Variants in TRAPPC9 observed in about 807,000 individuals in gnomAD.
TRAPPC9 encodes trafficking protein particle complex subunit 9.
In TRAPPC9, 83 loss-of-function variants were observed where a neutral mutation model predicts 124.0. The ratio of observed to expected loss-of-function variants is 0.67; its 90% CI spans 0.56 to 0.80. TRAPPC9 has a LOEUF of 0.80. TRAPPC9 is among the 30% of genes least tolerant of loss of function. The pLI is 0.00. For missense variants in TRAPPC9, 1,302 were observed against 1,508.3 expected (o/e 0.86, Z 2.27); for synonymous variants, 638 against 617.5 (o/e 1.03, Z -0.49).
chr8:139,996,609 A>G (rs775651879), intron 18 of TRAPPC9, among the ~76,000 whole-genome samples: 4 of 152,236 alleles, frequency 2.6e-5, no homozygotes, highest in Non-Finnish European at 5.9e-5. Context: ...GGAGACTAAG[A>G]AACAAAGAAG....
intron 11 of TRAPPC9, among the ~76,000 whole-genome samples, chr8:140,294,607 C>CT (rs796330094): frequency 0.034 from 5,007 of 146,976 alleles, 271 homozygotes; most frequent in African/African-American, 0.12. Context: ...ATTTATTCTT[C>CT]TTTTTTTTTT....
intron 20 of TRAPPC9, among the ~76,000 whole-genome samples, chr8:139,886,565 A>G (rs1050737367): frequency 6.6e-6 from 1 of 152,210 alleles, no homozygotes. Flanking sequence ...TGTGATTCTC[A>G]GATCTGTAAA....
At chr8:140,360,258 T>C in intron 8 of TRAPPC9, 65 bp from the exon 9 acceptor site, 1 of 1,604,366 alleles carries the variant, frequency 6.2e-7, no homozygotes, top group Non-Finnish European at 8.5e-7. Flanking sequence ...ACGGTTAATC[T>C]AAGTTGTAAA....
intron 21 of TRAPPC9, among the ~76,000 whole-genome samples, chr8:139,804,903 T>C (rs1312299958): frequency 6.6e-6 from 1 of 152,048 alleles, no homozygotes; most frequent in Non-Finnish European, 1.5e-5. Flanking sequence ...AGTATAAAAT[T>C]CAACCAAGGA....
chr8:140,124,866 C>G (rs1160801245), intron 17 of TRAPPC9, among the ~76,000 whole-genome samples: 1 of 152,156 alleles, frequency 6.6e-6, no homozygotes, highest in Non-Finnish European at 1.5e-5. Context: ...TTATTTGGCT[C>G]TAGGAAATAT....
In TRAPPC9 at chr8:139,758,666, G is replaced by A. The variant is rs553094148; in HGVS notation, c.3056-26464C>T. On this transcript the variant is annotated intron_variant, in intron 21 of 22. Coordinates refer to ENST00000438773, the MANE Select transcript of TRAPPC9 (RefSeq NM_001160372.4). ...CCCAGGGCAGGAGGACCTGTGCCAC[G>A]AAGGCAGGGGCAAGAAAACCTTGTG... Among the ~76,000 whole-genome samples the A allele has an allele frequency of 4.6e-5, 7 of 152,352 alleles. No homozygotes were observed. In the East Asian group the frequency reaches 1.2e-3, roughly 25 times the overall value.
chr8:139,995,085 A>T (rs938502223), intron 18 of TRAPPC9, among the ~76,000 whole-genome samples: 2 of 152,210 alleles, frequency 1.3e-5, no homozygotes, highest in African/African-American at 4.8e-5. Context: ...GAATGCACTG[A>T]GCTGAAGATG....
chr8:140,113,679 C>T (rs905594546), intron 17 of TRAPPC9, among the ~76,000 whole-genome samples: 9 of 152,166 alleles, frequency 5.9e-5, no homozygotes, highest in Non-Finnish European at 1.0e-4. Flanking sequence ...CCACTTCCTA[C>T]GCCCCAAGTC....
At chr8:139,863,834 G>A (rs571515567) in intron 21 of TRAPPC9, among the ~76,000 whole-genome samples, 3 of 152,362 alleles carry the variant, frequency 2.0e-5, no homozygotes, top group South Asian at 2.1e-4. Context: ...TGAGGGGCAC[G>A]GGAGGGGATA....
intron 1 of TRAPPC9, among the ~76,000 whole-genome samples, chr8:140,455,389 T>A (rs964498122): frequency 6.6e-6 from 1 of 152,096 alleles, no homozygotes; most frequent in African/African-American, 2.4e-5. Flanking sequence ...CGCCTCAGCC[T>A]CCCAAAGTGC....
At chr8:139,756,497 G>T (rs1399808491) in intron 21 of TRAPPC9, among the ~76,000 whole-genome samples, 3 of 121,056 alleles carry the variant, frequency 2.5e-5, no homozygotes, top group Non-Finnish European at 5.5e-5. Flanking sequence ...CAGGTCACAG[G>T]AGGAGCCAGG....
In TRAPPC9 at chr8:139,788,137, T is replaced by A. The variant is rs546989676; in HGVS notation, c.3056-55935A>T. Among the ~76,000 whole-genome samples the A allele has an allele frequency of 1.3e-5, 2 of 152,194 alleles. No homozygotes were observed. Among genetic ancestry groups the A allele is most frequent in the East Asian group, 3.9e-4 (2 of 5,134 alleles). On this transcript the variant is annotated intron_variant, in intron 21 of 22. Transcript: ENST00000438773. This position sits in a 1 kb window ranked among gnomAD's most constrained non-coding sequence, Gnocchi z 4.9. ...CACTGGTTTCTGCTGGGGACAATGA[T>A]GACAACACCCTAAGTCCCACAGGAC...
chr8:139,745,684 T>C (rs947554089), intron 21 of TRAPPC9, among the ~76,000 whole-genome samples: 3 of 152,264 alleles, frequency 2.0e-5, no homozygotes, highest in South Asian at 2.1e-4. Flanking sequence ...GGCTGGAGCC[T>C]CCCTTGGGGA....
Position 139,907,753 on chromosome 8 carries a change from T to C in TRAPPC9, c.2964+2394A>G, listed in dbSNP as rs539087421. On this transcript the variant is annotated intron_variant, in intron 20 of 22. Coordinates refer to ENST00000438773, the MANE Select transcript of TRAPPC9 (RefSeq NM_001160372.4). This position sits in a 1 kb window ranked among gnomAD's most constrained non-coding sequence, Gnocchi z 4.7. ...AATTATTAAGCAAATATACAGAAAATAGAGAAGTCAAACGCAAAGACATTT... is the reference window on the plus strand; with the variant it reads ...AATTATTAAGCAAATATACAGAAAACAGAGAAGTCAAACGCAAAGACATTT... 1.3e-5 allele frequency among the ~76,000 whole-genome samples: 2 copies of C among 152,198 alleles called. No homozygotes were observed. Among genetic ancestry groups the C allele is most frequent in the African/African-American group, 4.8e-5 (2 of 41,530 alleles).
At chr8:140,341,677 G>A (rs1194969108) in intron 9 of TRAPPC9, among the ~76,000 whole-genome samples, 6 of 150,326 alleles carry the variant, frequency 4.0e-5, no homozygotes, top group Admixed American at 6.6e-5. Context: ...ATATACGCAT[G>A]GGAAAAAAAA....
intron 17 of TRAPPC9, among the ~76,000 whole-genome samples, chr8:140,152,066 T>C (rs1447226755): frequency 6.6e-6 from 1 of 152,104 alleles, no homozygotes; most frequent in Non-Finnish European, 1.5e-5. Flanking sequence ...GGGCTGGTTA[T>C]TTCCCATTTC....
intron 21 of TRAPPC9, among the ~76,000 whole-genome samples, chr8:139,753,161 ACCAT>A (rs1221513658): frequency 7.3e-6 from 1 of 136,450 alleles, no homozygotes; most frequent in African/African-American, 2.9e-5. Context: ...CCACCCATCC[ACCAT>A]CCATCCATCC....
At chr8:140,102,896 C>T (rs1274065588) in intron 17 of TRAPPC9, among the ~76,000 whole-genome samples, 1 of 152,202 alleles carries the variant, frequency 6.6e-6, no homozygotes, top group East Asian at 1.9e-4. Context: ...AAGCTCAACC[C>T]CCCACATGCC....
chr8:140,374,798 C>T (rs2068387654), intron 7 of TRAPPC9, among the ~76,000 whole-genome samples: 1 of 152,144 alleles, frequency 6.6e-6, no homozygotes, highest in Non-Finnish European at 1.5e-5. Context: ...GGGAAGGTCA[C>T]ATGCCTTGGC....
Sources: gnomAD v4.1 joint callset for allele counts (sites outside exome capture counted in the v4.1 genomes callset) on GRCh38, gnomAD v4.1.1 for gene constraint, Gnocchi (gnomAD v3.1) non-coding constraint, MANE v1.5 for transcripts, NCBI Gene and HGNC (gene_info 2026-07-23, HGNC 2026-07-21) for gene names.